The following NACC2 variants were observed in gnomAD, a reference collection of about 807,000 sequenced individuals.
NACC2 encodes the protein NACC family member 2.
NACC2 carries 8 observed loss-of-function variants against 25.1 expected under a neutral mutation model. That is an observed-to-expected ratio of 0.32 (90% CI 0.19 to 0.57). NACC2 has a LOEUF of 0.57. NACC2 is among the 20% of genes least tolerant of loss of function. The pLI is 0.89. For synonymous variants in NACC2, 435 were observed against 294.7 expected, an observed-to-expected ratio of 1.48 and a Z score of -4.88; for missense variants, 644 against 650.2, an observed-to-expected ratio of 0.99 and a Z score of 0.10.
intron 2 of NACC2, among the ~76,000 whole-genome samples, chr9:136,043,737 G>A (rs1840681010): frequency 1.3e-5 from 2 of 152,230 alleles, no homozygotes; most frequent in Admixed American, 6.5e-5. Context: ...CTACAGGAGG[G>A]AACTGTTCTG....
Position 136,089,530 on chromosome 9 carries a change from G to A in NACC2, c.-60+5659C>T, listed in dbSNP as rs555937880. 7.9e-5 allele frequency among the ~76,000 whole-genome samples: 12 copies of A among 151,788 alleles called. No individual in the cohort carries two copies. In the East Asian group the frequency reaches 9.7e-4, roughly 12 times the overall value. ...GGCTCCTGTTAGCCCCTCCCCCAGC[G>A]CTGGGGGCCTCTCCCCAAGAAGGTG... On this transcript the variant is annotated intron_variant, in intron 1 of 5. Transcript: ENST00000277554.
intron 2 of NACC2, among the ~76,000 whole-genome samples, chr9:136,025,441 A>G (rs1006010386): frequency 2.0e-5 from 3 of 152,040 alleles, no homozygotes; most frequent in Non-Finnish European, 2.9e-5. Context: ...GATAAAAAAC[A>G]AAACAAAACA....
chr9:136,021,736 T>G (rs1229795769), intron 2 of NACC2, among the ~76,000 whole-genome samples: 1 of 152,194 alleles, frequency 6.6e-6, no homozygotes, highest in Non-Finnish European at 1.5e-5. Context: ...ATAAAGACAC[T>G]GTGAACCATC....
intron 1 of NACC2, among the ~76,000 whole-genome samples, chr9:136,050,814 G>T (rs1840819031): frequency 6.6e-6 from 1 of 152,180 alleles, no homozygotes; most frequent in South Asian, 2.1e-4. Flanking sequence ...TCCCCGGGGT[G>T]CTGCCCGGCA....
intron 5 of NACC2, among the ~76,000 whole-genome samples, chr9:136,012,541 C>G (rs953494525): frequency 2.0e-5 from 3 of 152,230 alleles, no homozygotes; most frequent in Non-Finnish European, 2.9e-5. Flanking sequence ...ACGTCCACCT[C>G]GGTCCCTCCC....
Position 136,013,189 on chromosome 9 carries a change from A to G in NACC2, c.1255+10T>C, listed in dbSNP as rs1320772333. 1 of 347,366 alleles carries G rather than the reference A, an allele frequency of 2.9e-6. No individual in the cohort carries two copies. The highest frequency in any genetic ancestry group is 5.4e-6 in the Non-Finnish European group (1 of 185,666). 21.5% of individuals were successfully genotyped at this position (347,366 alleles called of 1,614,324 possible). A position where few individuals can be genotyped will look rare whatever the true frequency, so the allele number is the denominator to read the frequency against. ...GGCCCCACCCACCCGAGAGACCCCC[A>G]GGCTCTTACATTTCACAGCGTTCAG... is the stretch of plus-strand genomic sequence containing the variant. On this transcript the variant is annotated intron_variant, in intron 5 of 5. Coordinates refer to ENST00000277554, the MANE Select transcript of NACC2 (RefSeq NM_144653.5). This position sits in a 1 kb window ranked among gnomAD's most constrained non-coding sequence, Gnocchi z 6.6.
rs573950641 is a variant in NACC2, at chr9:136,055,729, A to G, written c.-59-5149T>C. ...TCTGGACCTCAGCAAATGCACAGCC[A>G]TTAAACACGTGGTAGAGGAAGGAGA... On this transcript the variant is annotated intron_variant, in intron 1 of 5. Transcript: ENST00000277554. The surrounding 1 kb of genome is among the most constrained non-coding windows in gnomAD (Gnocchi z 4.9). 2.6e-4 allele frequency among the ~76,000 whole-genome samples: 39 copies of G among 152,350 alleles called. No individual in the cohort carries two copies. In the South Asian group the frequency reaches 8.1e-3, roughly 32 times the overall value.
chr9:136,017,756 AAAAGGC>A (rs1176195583), intron 2 of NACC2, among the ~76,000 whole-genome samples: 2 of 152,226 alleles, frequency 1.3e-5, no homozygotes, highest in African/African-American at 4.8e-5. Flanking sequence ...GTCCCAGCAC[AAAAGGC>A]AAGGCCCTGA....
At chr9:136,014,802 C>G (rs1440343650) in intron 3 of NACC2, among the ~76,000 whole-genome samples, 2 of 152,200 alleles carry the variant, frequency 1.3e-5, no homozygotes, top group Admixed American at 6.5e-5. Flanking sequence ...AGGGCAGAGG[C>G]GTGGCCAGAG....
chr9:136,048,203 C>G (rs12553218), intron 2 of NACC2, among the ~76,000 whole-genome samples: 2 of 152,310 alleles, frequency 1.3e-5, no homozygotes, highest in Middle Eastern at 3.4e-3. Context: ...AGCTCCTTCC[C>G]AACAGGGGCC....
intron 1 of NACC2, among the ~76,000 whole-genome samples, chr9:136,065,921 T>C (rs896114875): frequency 3.3e-5 from 5 of 151,892 alleles, no homozygotes; most frequent in African/African-American, 9.7e-5. Context: ...AGGCCGGGCA[T>C]GGTGGCTCAC....
intron 2 of NACC2, among the ~76,000 whole-genome samples, chr9:136,028,945 G>A (rs1334873988): frequency 6.6e-6 from 1 of 152,232 alleles, no homozygotes; most frequent in Non-Finnish European, 1.5e-5. Context: ...TGGATGTTGG[G>A]CACCGTCGAG....
rs370131635 is a variant in NACC2, at chr9:136,067,993, C to T, written c.-59-17413G>A. Among the ~76,000 whole-genome samples the T allele has an allele frequency of 8.2e-4, 125 of 152,240 alleles. 1 individual carries two copies. In the South Asian group the frequency reaches 0.01, roughly 13 times the overall value. ...AATGGGAAGCATTTGTGTATCGAAA[C>T]ATAGTAAAGGTTCAGTAAAAATATA... On this transcript the variant is annotated intron_variant, in intron 1 of 5. Coordinates refer to ENST00000277554, the MANE Select transcript of NACC2 (RefSeq NM_144653.5).
chr9:136,031,237 A>C (rs893684015), intron 2 of NACC2, among the ~76,000 whole-genome samples: 1 of 152,240 alleles, frequency 6.6e-6, no homozygotes, highest in African/African-American at 2.4e-5. Context: ...GAGGCCAGAT[A>C]ATCTTGATAT....
At chr9:136,031,278 C>G (rs913245989) in intron 2 of NACC2, among the ~76,000 whole-genome samples, 3 of 152,084 alleles carry the variant, frequency 2.0e-5, no homozygotes, top group Admixed American at 2.0e-4. Flanking sequence ...GAGATGAGAA[C>G]GTCGGTATCA....
intron 1 of NACC2, among the ~76,000 whole-genome samples, chr9:136,094,507 T>TTA (rs1830466826): frequency 6.6e-6 from 1 of 151,410 alleles, no homozygotes; most frequent in Non-Finnish European, 1.5e-5. Context: ...TCCGCTGAGT[T>TTA]TCTTAGAGAA....
At chr9:136,044,129 C>T (rs1019032664) in intron 2 of NACC2, among the ~76,000 whole-genome samples, 6 of 152,044 alleles carry the variant, frequency 3.9e-5, no homozygotes, top group Non-Finnish European at 7.4e-5. Context: ...CTGGCCAATA[C>T]AAATACTTTA....
intron 1 of NACC2, among the ~76,000 whole-genome samples, chr9:136,094,171 A>C (rs1830462517): frequency 6.6e-6 from 1 of 152,320 alleles, no homozygotes; most frequent in South Asian, 2.1e-4. Context: ...AACACAGCTC[A>C]GGGCACCCAG....
chr9:136,053,481 G>A (rs1401401683), intron 1 of NACC2, among the ~76,000 whole-genome samples: 2 of 152,170 alleles, frequency 1.3e-5, no homozygotes, highest in African/African-American at 4.8e-5. Context: ...AGGAGACACA[G>A]GGCCCAGCTG....
Sources: allele counts gnomAD v4.1 joint callset (sites outside exome capture counted in the v4.1 genomes callset), GRCh38; gene constraint gnomAD v4.1.1; non-coding constraint Gnocchi (gnomAD v3.1); transcripts MANE v1.5; gene names NCBI Gene and HGNC (gene_info 2026-07-23, HGNC 2026-07-21).